Variants in HACE1 observed in about 807,000 individuals in gnomAD.
HACE1 encodes the protein HECT domain and ankyrin repeat containing E3 ubiquitin protein ligase 1.
In HACE1, 73 loss-of-function variants were observed where a neutral mutation model predicts 118.4. The observed-to-expected ratio is 0.62, with a 90% CI of 0.51 to 0.75. The LOEUF is 0.75. Among genes scored for constraint, HACE1 ranks in the 30% least tolerant of loss-of-function variants. HACE1 has a pLI of 0.00. For synonymous variants in HACE1, 368 were observed against 374.8 expected (o/e 0.98, Z 0.21); for missense variants, 749 against 1,102.2 (o/e 0.68, Z 4.54).
intron 11 of HACE1, chr6:104,786,301 A>G (rs1782384087): frequency 6.7e-6 from 1 of 149,730 alleles, no homozygotes; most frequent in Admixed American, 6.8e-5. Context: ...AGATCACACC[A>G]CTGCACTCCA....
At chr6:104,828,727 G>A (rs1229212677) in intron 6 of HACE1, among the ~76,000 whole-genome samples, 1 of 151,884 alleles carries the variant, frequency 6.6e-6, no homozygotes, top group Admixed American at 6.6e-5. Flanking sequence ...TACCTCTAAT[G>A]CAACAGCTGC....
chr6:104,836,873 A>G (rs1209399189), intron 5 of HACE1, among the ~76,000 whole-genome samples: 1 of 152,182 alleles, frequency 6.6e-6, no homozygotes, highest in Admixed American at 6.5e-5. Context: ...ACATGCATAA[A>G]CTCAAATTAA....
At position 104,729,492 on chromosome 6, in the gene HACE1, A is replaced by C. The variant is rs1774974965; in HGVS notation, c.*170T>G. 1.6e-6 allele frequency: 1 copy of C among 624,574 alleles called. No individual in the cohort carries two copies. The highest frequency in any genetic ancestry group is 2.8e-5 in the East Asian group (1 of 36,166). The allele number at this position is 624,574 out of a possible 1,614,324, so 38.7% of individuals were successfully genotyped here. A position where few individuals can be genotyped will look rare whatever the true frequency, so the allele number is the denominator to read the frequency against. On this transcript the variant is annotated 3_prime_UTR_variant, in exon 24 of 24. Transcript: ENST00000262903. ...TTCTAATTGTATCACAAACAGAGAA[A>C]ACATAAAAGGGAAAAGAGAGAAACA...
At chr6:104,789,676 C>T (rs1582478844) in intron 11 of HACE1, among the ~76,000 whole-genome samples, 1 of 151,916 alleles carries the variant, frequency 6.6e-6, no homozygotes, top group African/African-American at 2.4e-5. Context: ...GGTAGCAGAT[C>T]GAAATTTTAA....
At chr6:104,792,945 GCTCT>G (rs1243060562) in intron 10 of HACE1, among the ~76,000 whole-genome samples, 1 of 152,124 alleles carries the variant, frequency 6.6e-6, no homozygotes, top group Non-Finnish European at 1.5e-5. Flanking sequence ...GAAGCACGGA[GCTCT>G]CTTCTTCCCC....
intron 7 of HACE1, among the ~76,000 whole-genome samples, chr6:104,801,181 A>C (rs1582540300): frequency 6.6e-6 from 1 of 152,356 alleles, no homozygotes; most frequent in Admixed American, 6.5e-5. Flanking sequence ...AAGAGCAAAA[A>C]GAAATGAACA....
At chr6:104,759,576 A>G (rs1003712682) in intron 19 of HACE1, among the ~76,000 whole-genome samples, 2 of 152,212 alleles carry the variant, frequency 1.3e-5, no homozygotes, top group Non-Finnish European at 2.9e-5. Flanking sequence ...TTTTAGCACT[A>G]AACGCCCACA....
intron 11 of HACE1, among the ~76,000 whole-genome samples, chr6:104,788,266 T>C (rs1487385887): frequency 6.6e-6 from 1 of 152,128 alleles, no homozygotes; most frequent in African/African-American, 2.4e-5. Flanking sequence ...CTGAAAATAT[T>C]AGCAGGTTTC....
At chr6:104,770,407 T>C (rs1054540887) in intron 19 of HACE1, among the ~76,000 whole-genome samples, 3 of 152,058 alleles carry the variant, frequency 2.0e-5, no homozygotes, top group Non-Finnish European at 2.9e-5. Context: ...ATAATACATA[T>C]AGAGGAGAGG....
At chr6:104,741,110 A>C (rs1246074919) in intron 22 of HACE1, among the ~76,000 whole-genome samples, 1 of 77,388 alleles carries the variant, frequency 1.3e-5, no homozygotes, top group African/African-American at 9.3e-5. Context: ...AAATTCAACA[A>C]CCTTCATGCT....
intron 23 of HACE1, 58 bp downstream of exon 23, chr6:104,730,245 T>C: frequency 1.2e-6 from 1 of 863,938 alleles, no homozygotes; most frequent in Non-Finnish European, 2.0e-6. Flanking sequence ...AGATCTCTGA[T>C]CATTCAAAAT....
At chr6:104,735,913 T>C (rs1233887532) in intron 22 of HACE1, among the ~76,000 whole-genome samples, 1 of 151,930 alleles carries the variant, frequency 6.6e-6, no homozygotes, top group African/African-American at 2.4e-5. Flanking sequence ...TAGATAGCCA[T>C]TAAAAATTAC....
chr6:104,774,686 G>A (rs1781042349), intron 17 of HACE1, among the ~76,000 whole-genome samples: 1 of 152,076 alleles, frequency 6.6e-6, no homozygotes, highest in African/African-American at 2.4e-5. Flanking sequence ...GCCCAAGCAG[G>A]TATCATCATT....
rs146521492 is a variant in HACE1 at position 104,816,666 on chromosome 6, C to T, written c.535-5273G>A. Reference sequence around the variant, plus strand: ...TGTGGAGTTAGAACCCCATACAGGGCACTGTCTAGTAGAGCTGTGAGAAGA... The same window carrying T: ...TGTGGAGTTAGAACCCCATACAGGGTACTGTCTAGTAGAGCTGTGAGAAGA... On this transcript the variant is annotated intron_variant, in intron 6 of 23. Coordinates refer to ENST00000262903, the MANE Select transcript of HACE1 (RefSeq NM_020771.4). Among the ~76,000 whole-genome samples the T allele has an allele frequency of 5.9e-3, 895 of 152,270 alleles. 13 individuals carry two copies. Among genetic ancestry groups the T allele is most frequent in the African/African-American group, 0.021 (861 of 41,542 alleles).
chr6:104,786,637 A>C (rs34752241), intron 11 of HACE1: 25,858 of 148,844 alleles, frequency 0.17, 2,504 homozygotes, highest in African/African-American at 0.25. Flanking sequence ...AACAAACAAA[A>C]AAAAAAACCT....
intron 6 of HACE1, among the ~76,000 whole-genome samples, chr6:104,825,729 C>G (rs545082294): frequency 6.6e-6 from 1 of 152,168 alleles, no homozygotes; most frequent in African/African-American, 2.4e-5. Flanking sequence ...TATCCAGAAC[C>G]TTGAGCAGCT....
At chr6:104,741,414 T>C (rs979313361) in intron 22 of HACE1, among the ~76,000 whole-genome samples, 16 of 151,478 alleles carry the variant, frequency 1.1e-4, no homozygotes, top group South Asian at 2.1e-4. Context: ...GAAAACCCCA[T>C]TGTATCAGCC....
intron 19 of HACE1, among the ~76,000 whole-genome samples, chr6:104,756,425 AAATATAT>A (rs1380800076): frequency 3.8e-4 from 42 of 109,710 alleles, no homozygotes; most frequent in Admixed American, 1.5e-3. Flanking sequence ...AAAAAAAAAA[AAATATAT>A]ATATATATAT....
intron 17 of HACE1, among the ~76,000 whole-genome samples, chr6:104,775,067 C>T (rs187561298): frequency 4.7e-4 from 72 of 152,252 alleles, no homozygotes; most frequent in African/African-American, 1.7e-3. Flanking sequence ...TTTGGCCAGA[C>T]GTAGTAGCTT....
Sources: allele counts gnomAD v4.1 joint callset (sites outside exome capture counted in the v4.1 genomes callset), GRCh38; gene constraint gnomAD v4.1.1; transcripts MANE v1.5; gene names NCBI Gene and HGNC (gene_info 2026-07-23, HGNC 2026-07-21).